MYRIP: variants seen among roughly 807,000 people sequenced by gnomAD.
MYRIP encodes the protein rab effector MyRIP.
In MYRIP, 49 loss-of-function variants were observed where a neutral mutation model predicts 98.0. The observed-to-expected ratio is 0.50, with a 90% CI of 0.40 to 0.63. MYRIP has a LOEUF of 0.63. Among genes scored for constraint, MYRIP ranks in the 30% least tolerant of loss-of-function variants. The pLI is 0.00. For missense variants in MYRIP, 1,004 were observed against 1,058.2 expected (o/e 0.95, Z 0.71); for synonymous variants, 404 against 409.5 (o/e 0.99, Z 0.16).
chr3:39,845,630 T>G (rs940954400), intron 1 of MYRIP, among the ~76,000 whole-genome samples: 1 of 152,134 alleles, frequency 6.6e-6, no homozygotes, highest in Non-Finnish European at 1.5e-5. Context: ...TTGCAAGAGT[T>G]ATTTTTAATA....
At chr3:40,116,252 A>G (rs535785060) in intron 3 of MYRIP, among the ~76,000 whole-genome samples, 1 of 152,318 alleles carries the variant, frequency 6.6e-6, no homozygotes, top group East Asian at 1.9e-4. Context: ...TTAGCCTAGC[A>G]GATGCATTCA....
intron 2 of MYRIP, among the ~76,000 whole-genome samples, chr3:40,043,099 A>G (rs907255056): frequency 3.9e-5 from 6 of 152,232 alleles, no homozygotes; most frequent in South Asian, 2.1e-4. Flanking sequence ...TTGAAAAATC[A>G]TAAGTTGAAC....
chr3:40,066,827 C>T (rs1948136063), intron 3 of MYRIP, among the ~76,000 whole-genome samples: 1 of 152,250 alleles, frequency 6.6e-6, no homozygotes, highest in Admixed American at 6.5e-5. Flanking sequence ...TTCCTGCTCC[C>T]TTGTGTTTAG....
chr3:40,022,539 A>G (rs1360654280), intron 2 of MYRIP, among the ~76,000 whole-genome samples: 1 of 152,202 alleles, frequency 6.6e-6, no homozygotes, highest in African/African-American at 2.4e-5. Flanking sequence ...GGCTCTGAGT[A>G]TTCATGGAGG....
intron 2 of MYRIP, among the ~76,000 whole-genome samples, chr3:39,938,647 T>C (rs1217854049): frequency 6.6e-6 from 1 of 152,124 alleles, no homozygotes; most frequent in Non-Finnish European, 1.5e-5. Flanking sequence ...TCTGTTTTAA[T>C]TTTATCTTCC....
chr3:40,131,890 A>T (rs775897051), intron 3 of MYRIP, among the ~76,000 whole-genome samples: 1 of 151,492 alleles, frequency 6.6e-6, no homozygotes, highest in Non-Finnish European at 1.5e-5. Context: ...TTTTTTTTTC[A>T]ATGAGAGCTT....
intron 2 of MYRIP, among the ~76,000 whole-genome samples, chr3:40,036,302 CA>C (rs71091786): frequency 4.2e-4 from 27 of 64,294 alleles, no homozygotes; most frequent in African/African-American, 1.3e-3. Context: ...CAACTGATAC[CA>C]AAAAAAAAAA....
chr3:40,015,594 G>C (rs988654338), intron 2 of MYRIP, among the ~76,000 whole-genome samples: 1 of 152,246 alleles, frequency 6.6e-6, no homozygotes, highest in Admixed American at 6.5e-5. Context: ...TTCTGCACAA[G>C]GGTTGGGTGC....
chr3:39,981,892 A>C (rs971114883), intron 2 of MYRIP, among the ~76,000 whole-genome samples: 1 of 152,152 alleles, frequency 6.6e-6, no homozygotes, highest in Non-Finnish European at 1.5e-5. Flanking sequence ...GGAAATATCA[A>C]TAGGTTAAAT....
chr3:39,839,565 C>A (rs977966859), intron 1 of MYRIP, among the ~76,000 whole-genome samples: 2 of 152,134 alleles, frequency 1.3e-5, no homozygotes, highest in African/African-American at 2.4e-5. Flanking sequence ...CCCTCTAGTT[C>A]TTTTAATTGT....
At chr3:39,857,449 A>C (rs978128652) in intron 1 of MYRIP, among the ~76,000 whole-genome samples, 3 of 152,196 alleles carry the variant, frequency 2.0e-5, no homozygotes, top group Non-Finnish European at 2.9e-5. Context: ...GAATTCAGTG[A>C]CTGAACAAAT....
intron 1 of MYRIP, among the ~76,000 whole-genome samples, chr3:39,846,313 A>G (rs1416811998): frequency 6.6e-6 from 1 of 152,106 alleles, no homozygotes; most frequent in Admixed American, 6.5e-5. Flanking sequence ...CAAGAATCCC[A>G]GGTCTCCTAG....
intron 2 of MYRIP, among the ~76,000 whole-genome samples, chr3:39,918,347 A>C (rs1169671879): frequency 6.6e-6 from 1 of 152,180 alleles, no homozygotes; most frequent in East Asian, 1.9e-4. Flanking sequence ...GTTATAAATC[A>C]ATGCCTTAGC....
At chr3:40,068,132 C>T (rs1948159478) in intron 3 of MYRIP, among the ~76,000 whole-genome samples, 1 of 152,178 alleles carries the variant, frequency 6.6e-6, no homozygotes, top group African/African-American at 2.4e-5. Context: ...TCCTTTGCTT[C>T]TGGTTATTTT....
At chr3:39,814,117 G>T (rs1354962906) in intron 1 of MYRIP, among the ~76,000 whole-genome samples, 1 of 152,100 alleles carries the variant, frequency 6.6e-6, no homozygotes, top group Admixed American at 6.5e-5. Context: ...TGTGTCTTGG[G>T]CATATATCCT....
At chr3:40,090,895 A>G (rs1948726165) in intron 3 of MYRIP, among the ~76,000 whole-genome samples, 1 of 152,166 alleles carries the variant, frequency 6.6e-6, no homozygotes, top group African/African-American at 2.4e-5. Context: ...TCCAACATGC[A>G]GGTGGAACAG....
At chr3:40,208,742 C>G (rs1269846018) in intron 10 of MYRIP, among the ~76,000 whole-genome samples, 1 of 152,186 alleles carries the variant, frequency 6.6e-6, no homozygotes. Flanking sequence ...GGGAAGTTTT[C>G]CCTAATCCTC....
intron 2 of MYRIP, 149 bp downstream of exon 2, chr3:39,901,075 C>T: frequency 1.7e-6 from 1 of 604,376 alleles, no homozygotes; most frequent in Non-Finnish European, 2.9e-6. Context: ...GAAAGGTTTG[C>T]CAGTTTCAGA....
Position 40,129,440 on chromosome 3 carries a change from C to CAAAAAAAAAAAAAAAA in MYRIP, c.333-21587_333-21572dup, listed in dbSNP as rs386396419. Among the ~76,000 whole-genome samples the CAAAAAAAAAAAAAAAA allele has an allele frequency of 5.1e-4, 15 of 29,372 alleles. 3 individuals carry two copies. The highest frequency in any genetic ancestry group is 8.4e-4 in the Non-Finnish European group (14 of 16,748). The allele number at this position is 29,372 out of a possible 152,430, so 19.3% of individuals were successfully genotyped here. A position where few individuals can be genotyped will look rare whatever the true frequency, so the allele number is the denominator to read the frequency against. The stretch of plus-strand genomic sequence containing the variant: ...TGGGCGACAGAGTGAGACTCTGTCT[C>CAAAAAAAAAAAAAAAA]AAAAAAAAAAAAAAAAAAAAAAAAA... On this transcript the variant is annotated intron_variant, in intron 3 of 16. Transcript: ENST00000302541.
Sources: allele counts gnomAD v4.1 joint callset (sites outside exome capture counted in the v4.1 genomes callset), GRCh38; gene constraint gnomAD v4.1.1; transcripts MANE v1.5; gene names NCBI Gene and HGNC (gene_info 2026-07-23, HGNC 2026-07-21).